Variants in RASGRP3 observed in about 807,000 individuals in gnomAD.
RASGRP3 encodes the protein ras guanyl-releasing protein 3.
Under a neutral mutation model 82.7 loss-of-function variants are expected in RASGRP3, and 54 were observed. The ratio of observed to expected loss-of-function variants is 0.65; its 90% CI spans 0.52 to 0.82. The LOEUF (loss-of-function observed/expected upper bound fraction) is 0.82. Among genes scored for constraint, RASGRP3 ranks in the 40% least tolerant of loss-of-function variants. The pLI, the probability that RASGRP3 is intolerant of heterozygous loss-of-function variation, is 0.00. For missense variants in RASGRP3, 861 were observed against 828.9 expected, an observed-to-expected ratio of 1.04 and a Z score of -0.48; for synonymous variants, 309 against 300.5, an observed-to-expected ratio of 1.03 and a Z score of -0.29.
intron 2 of RASGRP3, among the ~76,000 whole-genome samples, chr2:33,463,013 G>A (rs1574253189): frequency 1.3e-5 from 2 of 152,174 alleles, no homozygotes; most frequent in Middle Eastern, 6.8e-3. Flanking sequence ...AAGAATCCTA[G>A]AATCAACAGT....
chr2:33,509,984 G>A (rs772050528), intron 1 of RASGRP3, among the ~76,000 whole-genome samples: 1 of 152,136 alleles, frequency 6.6e-6, no homozygotes, highest in Non-Finnish European at 1.5e-5. Context: ...GTGATAAAGA[G>A]AAATTAAGTT....
chr2:33,461,952 A>C (rs1666390579), intron 2 of RASGRP3, among the ~76,000 whole-genome samples: 1 of 152,220 alleles, frequency 6.6e-6, no homozygotes, highest in African/African-American at 2.4e-5. Context: ...AACTTGAGCA[A>C]GGGGTTTGGC....
intron 10 of RASGRP3, 90 bp from the exon 11 acceptor site, chr2:33,534,233 T>C (rs1251737981): frequency 1.6e-5 from 14 of 864,640 alleles, no homozygotes; most frequent in Non-Finnish European, 2.5e-5. Flanking sequence ...GACAGTGAAC[T>C]TAAAACATTC....
chr2:33,555,138 C>T (rs1675802270), intron 14 of RASGRP3: 1 of 166,412 alleles, frequency 6.0e-6, no homozygotes, highest in Admixed American at 6.4e-5. Flanking sequence ...TGCGCTTCTT[C>T]CATTGCTTCA....
chr2:33,462,295 G>C (rs1666413874), intron 2 of RASGRP3, among the ~76,000 whole-genome samples: 1 of 152,090 alleles, frequency 6.6e-6, no homozygotes, highest in African/African-American at 2.4e-5. Flanking sequence ...TTAGAGTGAG[G>C]CTGTGATGCA....
At chr2:33,443,876 G>A (rs905933321) in intron 1 of RASGRP3, among the ~76,000 whole-genome samples, 3 of 151,496 alleles carry the variant, frequency 2.0e-5, no homozygotes, top group African/African-American at 7.3e-5. Flanking sequence ...GTGAGATCCT[G>A]TCTCAAAAAA....
intron 1 of RASGRP3, among the ~76,000 whole-genome samples, chr2:33,483,429 A>G (rs1015005994): frequency 2.0e-5 from 3 of 152,158 alleles, no homozygotes; most frequent in South Asian, 2.1e-4. Context: ...AACATAGGGA[A>G]AAAATATGGA....
chr2:33,548,381 A>AAAAAG (rs764069871), intron 13 of RASGRP3, among the ~76,000 whole-genome samples: 18,155 of 125,722 alleles, frequency 0.14, 1,702 homozygotes, highest in Non-Finnish European at 0.17. Context: ...AAAAAAAAAA[A>AAAAAG]AAGAAGGTAG....
chr2:33,469,315 A>G (rs1437699573), intron 2 of RASGRP3, among the ~76,000 whole-genome samples: 1 of 152,118 alleles, frequency 6.6e-6, no homozygotes, highest in Admixed American at 6.6e-5. Context: ...TTTATATTTT[A>G]TGGTTTAAAT....
Position 33,514,505 on chromosome 2 carries a change from CAAAAAAAA to C in RASGRP3, c.-127-490_-127-483del, listed in dbSNP as rs3083005. Among the ~76,000 whole-genome samples the C allele has an allele frequency of 1.2e-3, 73 of 60,666 alleles. 2 individuals are homozygous for C. The highest frequency in any genetic ancestry group is 5.1e-3 in the African/African-American group (68 of 13,334). The allele number at this position is 60,666 out of a possible 152,430, so 39.8% of individuals were successfully genotyped here. A position where few individuals can be genotyped will look rare whatever the true frequency, so the allele number is the denominator to read the frequency against. On this transcript the variant is annotated intron_variant, in intron 2 of 17. Coordinates refer to ENST00000403687, the MANE Select transcript of RASGRP3 (RefSeq NM_001139488.2). ...GCAACATGGTAAAACCCCATCTCTA[CAAAAAAAA>C]AAAAAAAAAAAAAACCCAAAAAATA... is the stretch of plus-strand genomic sequence containing the variant.
At chr2:33,503,798 A>G (rs771955721) in intron 1 of RASGRP3, among the ~76,000 whole-genome samples, 1 of 152,218 alleles carries the variant, frequency 6.6e-6, no homozygotes, top group African/African-American at 2.4e-5. Context: ...AGAAATTCAT[A>G]TTACATCTTC....
intron 13 of RASGRP3, among the ~76,000 whole-genome samples, chr2:33,544,765 T>TAG (rs1054989254): frequency 1.3e-5 from 2 of 151,986 alleles, no homozygotes; most frequent in Non-Finnish European, 2.9e-5. Flanking sequence ...GAGGCTGAGA[T>TAG]AGTAGGATTA....
intron 9 of RASGRP3, among the ~76,000 whole-genome samples, chr2:33,526,128 A>G (rs1046509279): frequency 6.6e-6 from 1 of 152,348 alleles, no homozygotes; most frequent in East Asian, 1.9e-4. Context: ...CCCTGGACCA[A>G]TAACAGTTGC....
intron 4 of RASGRP3, 70 bp from the exon 5 acceptor site, chr2:33,519,882 T>C (rs1671850174): frequency 1.9e-6 from 2 of 1,075,252 alleles, no homozygotes; most frequent in Admixed American, 2.0e-5. Context: ...TTGGTATACA[T>C]TGAGGGCACA....
At chr2:33,449,084 G>T (rs985925913) in intron 2 of RASGRP3, among the ~76,000 whole-genome samples, 24 of 152,188 alleles carry the variant, frequency 1.6e-4, no homozygotes, top group African/African-American at 4.8e-4. Flanking sequence ...ATTACTCTCT[G>T]TTTGGGGCTT....
chr2:33,448,946 C>A (rs1023394591), intron 2 of RASGRP3, among the ~76,000 whole-genome samples: 1 of 152,174 alleles, frequency 6.6e-6, no homozygotes, highest in Non-Finnish European at 1.5e-5. Flanking sequence ...CCAGATATAA[C>A]CTTACATATA....
chr2:33,504,549 CTT>C (rs1334803114), intron 1 of RASGRP3, among the ~76,000 whole-genome samples: 1 of 152,160 alleles, frequency 6.6e-6, no homozygotes, highest in Non-Finnish European at 1.5e-5. Flanking sequence ...TAAAGACAGT[CTT>C]TCATTATGTT....
chr2:33,480,529 A>G (rs1667800142), intron 1 of RASGRP3, among the ~76,000 whole-genome samples: 1 of 152,186 alleles, frequency 6.6e-6, no homozygotes, highest in Non-Finnish European at 1.5e-5. Flanking sequence ...ATATGGGTAC[A>G]CGTGAAGTGG....
At position 33,515,941 on chromosome 2, in the gene RASGRP3, A is replaced by T. The variant is rs78357005; in HGVS notation, c.71-601A>T. ...GACAATCATTTTTAGTGTTAGTATG[A>T]CCTAAATAATGCCTGGGACATACTT... On this transcript the variant is annotated intron_variant, in intron 3 of 17. Transcript: ENST00000403687. Among the ~76,000 whole-genome samples the T allele has an allele frequency of 1.5e-3, 232 of 152,328 alleles. 1 individual carries two copies. The highest frequency in any genetic ancestry group is 5.4e-3 in the African/African-American group (223 of 41,570).
Sources: allele counts gnomAD v4.1 joint callset (sites outside exome capture counted in the v4.1 genomes callset), GRCh38; gene constraint gnomAD v4.1.1; transcripts MANE v1.5; gene names NCBI Gene and HGNC (gene_info 2026-07-23, HGNC 2026-07-21).